AKAP6: variants seen among roughly 807,000 people sequenced by gnomAD.
AKAP6 encodes A-kinase anchor protein 6.
Under a neutral mutation model 188.5 loss-of-function variants are expected in AKAP6, and 58 were observed. The ratio of observed to expected loss-of-function variants is 0.31; its 90% CI spans 0.25 to 0.38. The LOEUF (loss-of-function observed/expected upper bound fraction) is 0.38. Ranked by LOEUF, AKAP6 falls within the 10% of genes least tolerant of loss-of-function variation. The pLI is 1.00. For synonymous variants in AKAP6, 989 were observed against 998.6 expected, an observed-to-expected ratio of 0.99 and a Z score of 0.18; for missense variants, 2,710 against 2,740.0, an observed-to-expected ratio of 0.99 and a Z score of 0.24.
intron 9 of AKAP6, among the ~76,000 whole-genome samples, chr14:32,730,374 A>G (rs1485954814): frequency 1.3e-5 from 2 of 152,218 alleles, no homozygotes; most frequent in African/African-American, 2.4e-5. Flanking sequence ...ATAACCTTTT[A>G]TAATAGCTAT....
At chr14:32,381,633 T>C (rs1888364268) in intron 1 of AKAP6, among the ~76,000 whole-genome samples, 1 of 151,958 alleles carries the variant, frequency 6.6e-6, no homozygotes. Context: ...GACAGTGAAG[T>C]TTACATTAGA....
chr14:32,764,840 G>A (rs2139959642), intron 11 of AKAP6, among the ~76,000 whole-genome samples: 1 of 151,790 alleles, frequency 6.6e-6, no homozygotes, highest in South Asian at 2.1e-4. Flanking sequence ...CTGGAGATTA[G>A]TGAAAATAAC....
intron 12 of AKAP6, among the ~76,000 whole-genome samples, chr14:32,814,219 C>T (rs1406854771): frequency 6.6e-6 from 1 of 152,216 alleles, no homozygotes; most frequent in Non-Finnish European, 1.5e-5. Context: ...TATTCAGTGG[C>T]TTTCCCTTAA....
At position 32,583,806 on chromosome 14, in the gene AKAP6, G is replaced by A. The variant is rs143842833; in HGVS notation, c.2469+6564G>A. Among the ~76,000 whole-genome samples, 624 of 152,152 alleles carry A rather than the reference G, an allele frequency of 4.1e-3. 3 individuals are homozygous for A. Among genetic ancestry groups the A allele is most frequent in the African/African-American group, 0.013 (528 of 41,532 alleles). ...GGTGCGGGATATAATCTCCCGGTGCGCCGTTTTTTAAGCCCGTCAGAAAAA... is the reference window on the plus strand; with the variant it reads ...GGTGCGGGATATAATCTCCCGGTGCACCGTTTTTTAAGCCCGTCAGAAAAA... On this transcript the variant is annotated intron_variant, in intron 5 of 13. Transcript: ENST00000280979.
chr14:32,728,076 C>G (rs536257972), intron 9 of AKAP6, among the ~76,000 whole-genome samples: 76 of 152,232 alleles, frequency 5.0e-4, no homozygotes, highest in African/African-American at 1.6e-3. Context: ...TATAAAAAGA[C>G]TCTTTGTTCA....
chr14:32,458,020 G>GAT (rs1387928157), intron 2 of AKAP6, among the ~76,000 whole-genome samples: 1 of 152,112 alleles, frequency 6.6e-6, no homozygotes, highest in Non-Finnish European at 1.5e-5. Flanking sequence ...CTGCCTACTT[G>GAT]ATAGCAAGTT....
chr14:32,396,142 G>A lies in AKAP6; in HGVS notation c.-34-37318G>A, dbSNP rs1594574263. Reference sequence around the variant, plus strand: ...GGTGGGAGAAGAGGGAGAATGATGGGAGGAGAAAGAAAAAGGAAATAGTTT... The same window carrying A: ...GGTGGGAGAAGAGGGAGAATGATGGAAGGAGAAAGAAAAAGGAAATAGTTT... On this transcript the variant is annotated intron_variant, in intron 1 of 13. Transcript: ENST00000280979. 1.3e-5 allele frequency among the ~76,000 whole-genome samples: 2 copies of A among 152,050 alleles called. 1 individual carries two copies. The highest frequency in any genetic ancestry group is 4.2e-4 in the South Asian group (2 of 4,816).
chr14:32,482,113 G>T (rs1879383375), intron 2 of AKAP6, among the ~76,000 whole-genome samples: 1 of 152,064 alleles, frequency 6.6e-6, no homozygotes, highest in African/African-American at 2.4e-5. Flanking sequence ...TGCTTAGGGG[G>T]TCATCCCAAG....
At chr14:32,638,504 T>A (rs909024181) in intron 7 of AKAP6, among the ~76,000 whole-genome samples, 15 of 152,130 alleles carry the variant, frequency 9.9e-5, no homozygotes, top group Admixed American at 3.9e-4. Flanking sequence ...GAGCATACAA[T>A]CAGGAGATGA....
At chr14:32,459,602 A>G (rs984503728) in intron 2 of AKAP6, among the ~76,000 whole-genome samples, 4 of 151,802 alleles carry the variant, frequency 2.6e-5, no homozygotes, top group Non-Finnish European at 5.9e-5. Flanking sequence ...AAAAAAATCT[A>G]CCTAGAAAAG....
chr14:32,568,710 T>C lies in AKAP6; in HGVS notation c.2347-8410T>C, dbSNP rs1884320416. Among the ~76,000 whole-genome samples the C allele has an allele frequency of 6.6e-6, 1 of 152,156 alleles. No individual in the cohort carries two copies. Among genetic ancestry groups the C allele is most frequent in the South Asian group, 2.1e-4 (1 of 4,824 alleles). ...CATACCTGACAATGTTGGGAGCTTG[T>C]AAAGTGTTTGATCTTGTCTGTGCTT... is the stretch of plus-strand genomic sequence containing the variant. On this transcript the variant is annotated intron_variant, in intron 4 of 13. Transcript: ENST00000280979. The surrounding 1 kb of genome is among the most constrained non-coding windows in gnomAD (Gnocchi z 6.2).
At chr14:32,506,590 C>A (rs1035453411) in intron 2 of AKAP6, among the ~76,000 whole-genome samples, 2 of 150,860 alleles carry the variant, frequency 1.3e-5, no homozygotes, top group African/African-American at 4.9e-5. Flanking sequence ...CACCTGTAAT[C>A]CCAATACTTT....
At chr14:32,435,264 GA>G (rs1421399567) in intron 2 of AKAP6, among the ~76,000 whole-genome samples, 1 of 152,132 alleles carries the variant, frequency 6.6e-6, no homozygotes, top group East Asian at 1.9e-4. Context: ...CTGCTTTCTG[GA>G]ATCTTTCAGA....
intron 2 of AKAP6, among the ~76,000 whole-genome samples, chr14:32,446,876 G>A (rs1334879336): frequency 2.0e-5 from 3 of 152,058 alleles, no homozygotes; most frequent in Non-Finnish European, 1.5e-5. Flanking sequence ...ATTTTAAAAA[G>A]CAAATGTGGT....
intron 7 of AKAP6, among the ~76,000 whole-genome samples, chr14:32,619,523 T>A (rs1343760197): frequency 6.6e-6 from 1 of 152,216 alleles, no homozygotes; most frequent in Non-Finnish European, 1.5e-5. Flanking sequence ...TCTGTTCCAT[T>A]GGTCTATGTA....
rs751289861 is a variant in AKAP6 at position 32,773,949 on chromosome 14, ATTCT to A, written c.3588+60_3588+63del. 35 of 1,545,428 alleles carry A rather than the reference ATTCT, an allele frequency of 2.3e-5. No homozygotes were observed. In the Middle Eastern group the frequency reaches 2.4e-3, roughly 104 times the overall value. On this transcript the variant is annotated intron_variant, in intron 12 of 13. Transcript: ENST00000280979. The stretch of plus-strand genomic sequence containing the variant: ...CTGTCATTTTCTCAGACAAAAAATA[ATTCT>A]TTCAGGCTTGGAAACGGTGTTCATC...
chr14:32,780,971 A>G (rs2033232083), intron 12 of AKAP6, among the ~76,000 whole-genome samples: 1 of 152,180 alleles, frequency 6.6e-6, no homozygotes, highest in Non-Finnish European at 1.5e-5. Context: ...ACAAAATATT[A>G]AAATCTGTGG....
intron 2 of AKAP6, among the ~76,000 whole-genome samples, chr14:32,457,967 G>A (rs927122353): frequency 6.6e-5 from 10 of 152,038 alleles, no homozygotes; most frequent in African/African-American, 2.2e-4. Context: ...GACATTCTAT[G>A]GTACAGTTAT....
intron 9 of AKAP6, 152 bp from the exon 10 acceptor site, chr14:32,732,302 C>A: frequency 1.5e-6 from 1 of 665,122 alleles, no homozygotes; most frequent in Non-Finnish European, 2.5e-6. Context: ...CAATATTCTT[C>A]ATCTACTCAA....
Sources: allele counts gnomAD v4.1 joint callset (sites outside exome capture counted in the v4.1 genomes callset), GRCh38; gene constraint gnomAD v4.1.1; non-coding constraint Gnocchi (gnomAD v3.1); transcripts MANE v1.5; gene names NCBI Gene and HGNC (gene_info 2026-07-23, HGNC 2026-07-21).